MYO1B: variants seen among roughly 807,000 people sequenced by gnomAD.
MYO1B encodes myosin IB.
In MYO1B, 72 loss-of-function variants were observed where a neutral mutation model predicts 159.7. The observed-to-expected ratio is 0.45, with a 90% CI of 0.37 to 0.55. The LOEUF is 0.55. Among genes scored for constraint, MYO1B ranks in the 20% least tolerant of loss-of-function variants. The pLI is 0.00. For missense variants in MYO1B, 1,062 were observed against 1,364.8 expected, an observed-to-expected ratio of 0.78 and a Z score of 3.50; for synonymous variants, 468 against 473.8, an observed-to-expected ratio of 0.99 and a Z score of 0.16.
intron 7 of MYO1B, among the ~76,000 whole-genome samples, chr2:191,354,416 A>G (rs1411207201): frequency 2.0e-5 from 3 of 152,160 alleles, no homozygotes; most frequent in African/African-American, 7.2e-5. Context: ...TTGTCTGAAT[A>G]TTCTGTGCTA....
chr2:191,387,175 A>AT (rs770497284), intron 16 of MYO1B, 49 bp from the exon 17 acceptor site: 7 of 1,550,098 alleles, frequency 4.5e-6, no homozygotes, highest in Non-Finnish European at 6.2e-6. Flanking sequence ...GTTGTTTGAC[A>AT]TTATAGCATG....
At chr2:191,287,085 T>C (rs1156352251) in intron 2 of MYO1B, among the ~76,000 whole-genome samples, 1 of 152,204 alleles carries the variant, frequency 6.6e-6, no homozygotes, top group Non-Finnish European at 1.5e-5. Context: ...TAGATTCCAG[T>C]AGAGCCCAGC....
chr2:191,298,929 G>A (rs1689144208), intron 3 of MYO1B, among the ~76,000 whole-genome samples: 1 of 152,070 alleles, frequency 6.6e-6, no homozygotes, highest in Non-Finnish European at 1.5e-5. Context: ...GCCTCTTCCT[G>A]TGCACTTCCA....
chr2:191,386,933 C>T (rs1695432145), intron 16 of MYO1B, among the ~76,000 whole-genome samples: 1 of 152,126 alleles, frequency 6.6e-6, no homozygotes, highest in Non-Finnish European at 1.5e-5. Flanking sequence ...AGAATATGTT[C>T]AGACTCCTAA....
chr2:191,416,889 C>T (rs1048825384), intron 30 of MYO1B, among the ~76,000 whole-genome samples: 8 of 151,716 alleles, frequency 5.3e-5, no homozygotes, highest in Middle Eastern at 3.2e-3. Context: ...AAATTTGCTT[C>T]TTCAATTTCT....
intron 3 of MYO1B, among the ~76,000 whole-genome samples, chr2:191,326,390 C>A (rs923111799): frequency 1.3e-5 from 2 of 151,930 alleles, no homozygotes; most frequent in African/African-American, 4.8e-5. Flanking sequence ...TGCCCCCACC[C>A]CTTGTTTTTT....
intron 4 of MYO1B, among the ~76,000 whole-genome samples, chr2:191,333,697 CTCTCTTTATCTCTCTCTG>C (rs1282010832): frequency 6.6e-6 from 1 of 152,146 alleles, no homozygotes; most frequent in Admixed American, 6.5e-5. Context: ...ATCTCTCTCT[CTCTCTTTATCTCTCTCTG>C]TCTCTGCCTC....
intron 1 of MYO1B, among the ~76,000 whole-genome samples, chr2:191,264,505 A>G (rs1231532030): frequency 6.6e-6 from 1 of 151,376 alleles, no homozygotes; most frequent in Non-Finnish European, 1.5e-5. Flanking sequence ...TGCTTTCCTA[A>G]CTAGGTGAAT....
At chr2:191,278,756 G>A (rs1027347142) in intron 2 of MYO1B, among the ~76,000 whole-genome samples, 1 of 152,248 alleles carries the variant, frequency 6.6e-6, no homozygotes, top group African/African-American at 2.4e-5. Context: ...AAGCGTAGCA[G>A]TTCTGCTTTC....
chr2:191,343,469 A>T (rs1436264285), intron 5 of MYO1B, among the ~76,000 whole-genome samples: 2 of 152,210 alleles, frequency 1.3e-5, no homozygotes, highest in Non-Finnish European at 2.9e-5. Context: ...CCCAGTTAGT[A>T]GCATAAGAGA....
At chr2:191,251,093 G>A (rs1049100442) in intron 1 of MYO1B, among the ~76,000 whole-genome samples, 4 of 152,144 alleles carry the variant, frequency 2.6e-5, no homozygotes, top group Admixed American at 6.6e-5. Flanking sequence ...CCAGTCCTGC[G>A]TCATTCTCCT....
At chr2:191,276,498 G>A (rs1687757112) in intron 1 of MYO1B, among the ~76,000 whole-genome samples, 1 of 152,156 alleles carries the variant, frequency 6.6e-6, no homozygotes, top group Non-Finnish European at 1.5e-5. Flanking sequence ...TATCATCTTC[G>A]AGGAAGCAGG....
At chr2:191,327,265 A>T (rs1691160943) in intron 3 of MYO1B, among the ~76,000 whole-genome samples, 1 of 152,164 alleles carries the variant, frequency 6.6e-6, no homozygotes, top group African/African-American at 2.4e-5. Context: ...GTTACATTTC[A>T]TGTTTATGTC....
At chr2:191,360,538 A>G (rs746260353) in intron 7 of MYO1B, 93 bp from the exon 8 acceptor site, 7 of 753,932 alleles carry the variant, frequency 9.3e-6, no homozygotes, top group Non-Finnish European at 1.5e-5. Context: ...ATTACTGCAG[A>G]ATAGAAAGAA....
At chr2:191,313,015 AG>A (rs1690102286) in intron 3 of MYO1B, among the ~76,000 whole-genome samples, 1 of 152,172 alleles carries the variant, frequency 6.6e-6, no homozygotes, top group African/African-American at 2.4e-5. Flanking sequence ...AGAATAAGGT[AG>A]GTTATTTTTG....
At chr2:191,365,159 C>G (rs1021738219) in intron 11 of MYO1B, among the ~76,000 whole-genome samples, 1 of 152,224 alleles carries the variant, frequency 6.6e-6, no homozygotes, top group African/African-American at 2.4e-5. Flanking sequence ...CAGCCCCTTT[C>G]ACTAAAACCC....
At chr2:191,379,446 A>G (rs1310300731) in intron 13 of MYO1B, among the ~76,000 whole-genome samples, 3 of 152,198 alleles carry the variant, frequency 2.0e-5, no homozygotes, top group Non-Finnish European at 2.9e-5. Flanking sequence ...TTGTAACTTA[A>G]TCCTTAAATT....
intron 4 of MYO1B, among the ~76,000 whole-genome samples, chr2:191,338,007 G>A (rs1691968433): frequency 6.6e-6 from 1 of 152,148 alleles, no homozygotes. Flanking sequence ...CCAGTTTCCA[G>A]CGTGGTGAAA....
At chr2:191,414,749 G>A (rs926379546) in intron 29 of MYO1B, 80 bp downstream of exon 29, 39 of 1,473,872 alleles carry the variant, frequency 2.6e-5, no homozygotes, top group African/African-American at 1.4e-4. Context: ...TAATCCTATC[G>A]CAGTTTATAT....
Sources: gnomAD v4.1 joint callset for allele counts (sites outside exome capture counted in the v4.1 genomes callset) on GRCh38, gnomAD v4.1.1 for gene constraint, MANE v1.5 for transcripts, NCBI Gene and HGNC (gene_info 2026-07-23, HGNC 2026-07-21) for gene names.